ZNF587: variants seen among roughly 807,000 people sequenced by gnomAD.
ZNF587 encodes the protein zinc finger protein zfp6.
ZNF587 carries 8 observed loss-of-function variants against 7.5 expected under a neutral mutation model. That is an observed-to-expected ratio of 1.06 (90% confidence interval 0.62 to 1.92). The LOEUF (loss-of-function observed/expected upper bound fraction) is 1.92, where lower values mean the gene tolerates loss of function less well. ZNF587 is among the 40% of genes most tolerant of loss of function. ZNF587 has a pLI of 0.00. For synonymous variants in ZNF587, 145 were observed against 237.8 expected (o/e 0.61, Z 3.59); for missense variants, 468 against 692.8 (o/e 0.68, Z 3.64).
chr19:57,849,959 C>T lies in ZNF587; in HGVS notation c.-80C>T, dbSNP rs1160501117. Reference sequence around the variant, plus strand: ...CTGAACCTAGAAGGTGGAGAGGAATCGTCCTCGGTGCCCAGAGGCGGCTCT... The same window carrying T: ...CTGAACCTAGAAGGTGGAGAGGAATTGTCCTCGGTGCCCAGAGGCGGCTCT... On this transcript the variant is annotated 5_prime_UTR_variant, in exon 1 of 3. Transcript: ENST00000339656. 3 of 1,612,808 alleles carry T rather than the reference C, an allele frequency of 1.9e-6. No homozygotes were observed. In the South Asian group the frequency reaches 3.3e-5, roughly 18 times the overall value.
Position 57,863,991 on chromosome 19 carries a change from C to T in ZNF587, c.*3851C>T, listed in dbSNP as rs545252681. 283 of 139,192 alleles carry T rather than the reference C, an allele frequency of 2.0e-3. 1 individual carries two copies. The highest frequency in any genetic ancestry group is 7.4e-3 in the African/African-American group (277 of 37,514). The allele number at this position is 139,192 out of a possible 1,614,324, so 8.6% of individuals were successfully genotyped here. A position where few individuals can be genotyped will look rare whatever the true frequency, so the allele number is the denominator to read the frequency against. On this transcript the variant is annotated 3_prime_UTR_variant, in exon 3 of 3. Transcript: ENST00000339656. ...CTGGGAGGTGGAAGGTGCACTGAGC[C>T]AATATCACACCAGTGCACTCCAACC... is the stretch of plus-strand genomic sequence containing the variant.
intron 1 of ZNF587, chr19:57,852,071 TC>T: frequency 3.0e-6 from 1 of 338,524 alleles, no homozygotes; most frequent in African/African-American, 2.1e-5. Context: ...TGGAGGGTGT[TC>T]CATTCCCTCA....
At chr19:57,854,309 G>C (rs2071322667) in intron 1 of ZNF587, among the ~76,000 whole-genome samples, 1 of 151,824 alleles carries the variant, frequency 6.6e-6, no homozygotes, top group Non-Finnish European at 1.5e-5. Flanking sequence ...GAAGCCATAT[G>C]TGGTTCTGTG....
intron 1 of ZNF587, 44 bp downstream of exon 1, chr19:57,850,115 C>A (rs748016117): frequency 1.2e-6 from 2 of 1,614,192 alleles, no homozygotes; most frequent in East Asian, 4.5e-5. Flanking sequence ...CCCATCGTCA[C>A]CCAGGTCCTA....
At position 57,863,665 on chromosome 19, in the gene ZNF587, C is replaced by T. The variant is rs565298456; in HGVS notation, c.*3525C>T. On this transcript the variant is annotated 3_prime_UTR_variant, in exon 3 of 3. Coordinates refer to ENST00000339656, the MANE Select transcript of ZNF587 (RefSeq NM_032828.4). ...TGCTTGGTGGATACAAGAGTTAAGACTTCCTGTCCCGTTTAGTGTAACAAA... is the reference window on the plus strand; with the variant it reads ...TGCTTGGTGGATACAAGAGTTAAGATTTCCTGTCCCGTTTAGTGTAACAAA... 6.6e-6 allele frequency: 1 copy of T among 152,272 alleles called. No individual in the cohort carries two copies. The highest frequency in any genetic ancestry group is 1.9e-4 in the East Asian group (1 of 5,182). The allele number at this position is 152,272 out of a possible 1,614,324, so 9.4% of individuals were successfully genotyped here.
chr19:57,857,191 C>G (rs2071368227), intron 2 of ZNF587: 1 of 151,918 alleles, frequency 6.6e-6, no homozygotes, highest in African/African-American at 2.4e-5. Context: ...ACGATAGGCT[C>G]AAAGGGAGCC....
At chr19:57,852,203 C>T (rs2071289657) in intron 1 of ZNF587, 4 of 363,854 alleles carry the variant, frequency 1.1e-5, no homozygotes, top group Non-Finnish European at 1.4e-5. Context: ...GATACCAAGT[C>T]CATGACAGGT....
intron 2 of ZNF587, chr19:57,857,383 G>A (rs771260499): frequency 1.3e-5 from 2 of 151,996 alleles, no homozygotes; most frequent in African/African-American, 2.4e-5. Context: ...TTTCATTTCT[G>A]CAGTGATATC....
chr19:57,855,843 G>C (rs894622529), intron 1 of ZNF587: 3 of 451,434 alleles, frequency 6.6e-6, no homozygotes, highest in African/African-American at 6.1e-5. Context: ...TTACAGGCGT[G>C]AGCCACCGCA....
At chr19:57,857,306 G>A (rs916290157) in intron 2 of ZNF587, 3 of 152,100 alleles carry the variant, frequency 2.0e-5, no homozygotes, top group Admixed American at 1.3e-4. Context: ...GGCAATATGA[G>A]TAGGCACACA....
At chr19:57,854,272 A>G (rs955049022) in intron 1 of ZNF587, among the ~76,000 whole-genome samples, 3 of 152,042 alleles carry the variant, frequency 2.0e-5, no homozygotes, top group East Asian at 1.9e-4. Flanking sequence ...GGTGCAGCAC[A>G]AAAGTGAAAT....
intron 1 of ZNF587, chr19:57,850,456 T>C (rs992618443): frequency 1.0e-4 from 50 of 499,208 alleles, no homozygotes; most frequent in African/African-American, 9.7e-4. Context: ...TCATAGGGGG[T>C]TAAAGTGAGT....
At position 57,856,246 on chromosome 19, in the gene ZNF587, C is replaced by G. The variant is rs759662822; in HGVS notation, c.163+13C>G. ...ATATCCTCGCTGGGTAAGTTGCTCA[C>G]GCTCACCTTTGTGACCTGAGCTAGT... On this transcript the variant is annotated intron_variant, in intron 2 of 2. Transcript: ENST00000339656. The G allele has an allele frequency of 2.1e-5, 32 of 1,558,934 alleles. No individual in the cohort carries two copies. The highest frequency in any genetic ancestry group is 5.8e-5 in the Admixed American group (3 of 52,006).
In ZNF587 at chr19:57,852,594, T is replaced by A. The variant is rs1370000013; in HGVS notation, c.33+2523T>A. ...CAGGCTGGAGTGCAATGGCGCAATC[T>A]TGGGCTCACTGGAGCCTCTGCCTCC... is the stretch of plus-strand genomic sequence containing the variant. On this transcript the variant is annotated intron_variant, in intron 1 of 2. Coordinates refer to ENST00000339656, the MANE Select transcript of ZNF587 (RefSeq NM_032828.4). Among the ~76,000 whole-genome samples the A allele has an allele frequency of 2.1e-5, 3 of 142,848 alleles. No homozygotes were observed. In the East Asian group the frequency reaches 5.8e-4, roughly 28 times the overall value. 93.7% of individuals were successfully genotyped at this position (142,848 alleles called of 152,430 possible). A position where few individuals can be genotyped will look rare whatever the true frequency, so the allele number is the denominator to read the frequency against.
intron 1 of ZNF587, among the ~76,000 whole-genome samples, chr19:57,855,459 G>GAT (rs1233008630): frequency 1.3e-5 from 2 of 152,108 alleles, no homozygotes; most frequent in Non-Finnish European, 2.9e-5. Flanking sequence ...TATAAAGAAT[G>GAT]ATATATATTT....
intron 1 of ZNF587, chr19:57,852,038 C>G (rs2122305009): frequency 3.4e-6 from 1 of 292,408 alleles, no homozygotes; most frequent in African/African-American, 2.2e-5. Context: ...TGCAGAAGCA[C>G]TTAGGGAACC....
Position 57,850,783 on chromosome 19 carries a change from G to C in ZNF587, c.33+712G>C, listed in dbSNP as rs995212830. The C allele has an allele frequency of 2.5e-4, 97 of 389,484 alleles. 1 individual carries two copies. Among genetic ancestry groups the C allele is most frequent in the Non-Finnish European group, 3.2e-5 (7 of 220,950 alleles). 24.1% of individuals were successfully genotyped at this position (389,484 alleles called of 1,614,324 possible). A position where few individuals can be genotyped will look rare whatever the true frequency, so the allele number is the denominator to read the frequency against. On this transcript the variant is annotated intron_variant, in intron 1 of 2. Transcript: ENST00000339656. ...TTACAAGCTCTTTGTTCTTATGGCTGATTGGAGGGGGAGGAAGCGATCAGG... is the reference window on the plus strand; with the variant it reads ...TTACAAGCTCTTTGTTCTTATGGCTCATTGGAGGGGGAGGAAGCGATCAGG...
chr19:57,856,638 G>A (rs886335539), intron 2 of ZNF587, among the ~76,000 whole-genome samples: 2 of 151,952 alleles, frequency 1.3e-5, no homozygotes, highest in Non-Finnish European at 2.9e-5. Flanking sequence ...TTGATCTCCT[G>A]ACCTCGTGAT....
In ZNF587 at chr19:57,856,214, G is replaced by A; in HGVS notation, c.144G>A (p.Leu48=). The change falls in exon 2 of 3, where the codon CTG becomes CTA. Residue 48 remains leucine, a synonymous_variant. Coordinates refer to ENST00000339656, the MANE Select transcript of ZNF587 (RefSeq NM_032828.4). Reference sequence around the variant, plus strand: ...ACCGTGATGTGATGCTAGAGAACCTGGCTCTCATATCCTCGCTGGGTAAGT... The same window carrying A: ...ACCGTGATGTGATGCTAGAGAACCTAGCTCTCATATCCTCGCTGGGTAAGT... The part of the protein sequence containing the change: ...CLYRDVMLEN[L]ALISSLGCWC... 4 of 1,594,010 alleles carry A rather than the reference G, an allele frequency of 2.5e-6. No individual in the cohort carries two copies. The highest frequency in any genetic ancestry group is 3.4e-4 in the Middle Eastern group (2 of 5,952).
Sources: allele counts gnomAD v4.1 joint callset (sites outside exome capture counted in the v4.1 genomes callset), GRCh38; gene constraint gnomAD v4.1.1; transcripts MANE v1.5; gene names NCBI Gene and HGNC (gene_info 2026-07-23, HGNC 2026-07-21).